LRRIQ3: variants seen among roughly 807,000 people sequenced by gnomAD.
The protein encoded by LRRIQ3 is leucine rich repeats and IQ motif containing 3.
LRRIQ3 carries 75 observed loss-of-function variants against 59.3 expected under a neutral mutation model. The observed-to-expected ratio is 1.26, with a 90% CI of 1.05 to 1.53. The LOEUF is 1.53. LRRIQ3 is among the 40% of genes most tolerant of loss of function. The probability of loss-of-function intolerance (pLI) is 0.00; values close to 1 mark genes in which losing one functional copy is unlikely to be tolerated. For missense variants in LRRIQ3, 831 were observed against 710.0 expected, an observed-to-expected ratio of 1.17 and a Z score of -1.94; for synonymous variants, 250 against 231.3, an observed-to-expected ratio of 1.08 and a Z score of -0.73.
chr1:74,076,242 A>G (rs1026318475), intron 5 of LRRIQ3, among the ~76,000 whole-genome samples: 6 of 152,076 alleles, frequency 3.9e-5, no homozygotes, highest in Non-Finnish European at 8.8e-5. Flanking sequence ...AAGACTCACA[A>G]ATATTTAGTT....
At chr1:74,090,696 T>C (rs915752092) in intron 5 of LRRIQ3, among the ~76,000 whole-genome samples, 3 of 151,994 alleles carry the variant, frequency 2.0e-5, no homozygotes, top group African/African-American at 4.8e-5. Context: ...AAGACCAGCC[T>C]GGGCAACAAC....
At position 74,087,381 on chromosome 1, in the gene LRRIQ3, C is replaced by CTTTTTTTTTTTTT. The variant is rs57068994; in HGVS notation, c.868-12604_868-12592dup. Among the ~76,000 whole-genome samples the CTTTTTTTTTTTTT allele has an allele frequency of 8.5e-4, 50 of 59,006 alleles. 1 individual carries two copies. The highest frequency in any genetic ancestry group is 3.5e-3 in the African/African-American group (48 of 13,858). 38.7% of individuals were successfully genotyped at this position (59,006 alleles called of 152,430 possible). ...TGAATAGTATTATTTAAAATTTTAT[C>CTTTTTTTTTTTTT]TTTTTTTTTTTTTTTTTTTTTTTTT... On this transcript the variant is annotated intron_variant, in intron 5 of 7. Transcript: ENST00000354431.
intron 1 of LRRIQ3, among the ~76,000 whole-genome samples, chr1:74,193,843 A>G (rs1650926961): frequency 6.6e-6 from 1 of 152,138 alleles, no homozygotes; most frequent in South Asian, 2.1e-4. Context: ...TGTTATCTGC[A>G]TATAAAATCA....
At chr1:74,097,774 T>G (rs1437281898) in intron 5 of LRRIQ3, among the ~76,000 whole-genome samples, 3 of 152,166 alleles carry the variant, frequency 2.0e-5, no homozygotes, top group Admixed American at 6.5e-5. Context: ...GAAAAGAATT[T>G]TCAACCCAGA....
At chr1:74,080,702 A>T (rs1295124871) in intron 5 of LRRIQ3, among the ~76,000 whole-genome samples, 1 of 151,748 alleles carries the variant, frequency 6.6e-6, no homozygotes. Flanking sequence ...TAATACTCAA[A>T]GAGATTATAC....
chr1:74,183,771 G>T, intron 1 of LRRIQ3, 87 bp from the exon 2 acceptor site: 2 of 1,175,128 alleles, frequency 1.7e-6, no homozygotes, highest in South Asian at 2.0e-5. Context: ...AAGAGATAGC[G>T]CAAGTAAAAA....
At chr1:74,181,866 A>G (rs1378821361) in intron 3 of LRRIQ3, 1 of 151,702 alleles carries the variant, frequency 6.6e-6, no homozygotes, top group Non-Finnish European at 1.5e-5. Flanking sequence ...CTTCCTCAAA[A>G]TTTCTACACA....
chr1:74,183,374 A>C (rs1650127822), intron 2 of LRRIQ3, 62 bp downstream of exon 2: 1 of 1,401,256 alleles, frequency 7.1e-7, no homozygotes, highest in Non-Finnish European at 9.6e-7. Context: ...AGGTAACATA[A>C]GTACTTATTA....
At chr1:74,085,123 G>A (rs926226434) in intron 5 of LRRIQ3, among the ~76,000 whole-genome samples, 2 of 151,638 alleles carry the variant, frequency 1.3e-5, no homozygotes, top group South Asian at 2.1e-4. Flanking sequence ...GATTCTGTCA[G>A]CTATTATTTT....
chr1:74,122,867 G>T (rs1454044414), intron 4 of LRRIQ3, among the ~76,000 whole-genome samples: 1 of 152,094 alleles, frequency 6.6e-6, no homozygotes, highest in African/African-American at 2.4e-5. Context: ...CACAGCAAAA[G>T]AAACTACCAT....
At chr1:74,119,091 C>T (rs964109439) in intron 4 of LRRIQ3, among the ~76,000 whole-genome samples, 5 of 152,116 alleles carry the variant, frequency 3.3e-5, no homozygotes, top group African/African-American at 4.8e-5. Flanking sequence ...TAAAATTAAA[C>T]ATTACAAATA....
At chr1:74,057,358 T>C (rs1654567372) in intron 6 of LRRIQ3, among the ~76,000 whole-genome samples, 4 of 151,962 alleles carry the variant, frequency 2.6e-5, no homozygotes, top group African/African-American at 9.7e-5. Flanking sequence ...ACTAAAACGG[T>C]ATAGTAACCA....
intron 5 of LRRIQ3, chr1:74,108,971 A>T (rs1194820493): frequency 6.4e-6 from 2 of 310,412 alleles, no homozygotes; most frequent in Non-Finnish European, 1.2e-5. Context: ...TTCAATCAAC[A>T]TAAATAAATT....
chr1:74,117,938 CT>C (rs1278131761), intron 4 of LRRIQ3, among the ~76,000 whole-genome samples: 9 of 151,814 alleles, frequency 5.9e-5, no homozygotes, highest in Middle Eastern at 3.4e-3. Flanking sequence ...TTGTCCCTAT[CT>C]TTTTATAATT....
intron 1 of LRRIQ3, among the ~76,000 whole-genome samples, chr1:74,194,983 T>C (rs1651010024): frequency 6.6e-6 from 1 of 152,078 alleles, no homozygotes; most frequent in Non-Finnish European, 1.5e-5. Flanking sequence ...ATGATTACAC[T>C]ACTGGGGAAC....
intron 4 of LRRIQ3, among the ~76,000 whole-genome samples, chr1:74,136,476 T>C (rs577654799): frequency 1.6e-4 from 25 of 152,060 alleles, no homozygotes; most frequent in Non-Finnish European, 2.7e-4. Flanking sequence ...TCTGGAACCC[T>C]ACTAAGCAGC....
chr1:74,089,301 C>T (rs1646368769), intron 5 of LRRIQ3, among the ~76,000 whole-genome samples: 1 of 152,030 alleles, frequency 6.6e-6, no homozygotes, highest in Non-Finnish European at 1.5e-5. Context: ...AGTAATTTCA[C>T]TTTTAGGTAT....
intron 5 of LRRIQ3, among the ~76,000 whole-genome samples, chr1:74,089,871 G>C (rs975529160): frequency 6.6e-6 from 1 of 151,954 alleles, no homozygotes; most frequent in Non-Finnish European, 1.5e-5. Flanking sequence ...GGTGAAGTTG[G>C]CAATGTAGCT....
In LRRIQ3 at chr1:74,041,387, C is replaced by T. The variant is rs534493116; in HGVS notation, c.1544G>A (p.Arg515His). ...ATTATTTAAGTTTTGAACTAATAAA[C>T]GCTCTGAAGCCTTTTGGGATTTTTC... ...LKEKSQKASE[R>H]LLVQNLNNER... Residue 515 changes from arginine (R) to histidine (H), a missense_variant, in exon 7 of 8, where the codon CGT (arginine) becomes CAT (histidine). By Grantham distance (29) the Arg-to-His change is conservative. Transcript: ENST00000354431. The T allele has an allele frequency of 8.9e-5, 144 of 1,613,780 alleles. No homozygotes were observed. The Admixed American group carries it at 1.6e-3, about 18-fold the overall frequency.
Sources: allele counts gnomAD v4.1 joint callset (sites outside exome capture counted in the v4.1 genomes callset), GRCh38; gene constraint gnomAD v4.1.1; transcripts MANE v1.5; gene names NCBI Gene and HGNC (gene_info 2026-07-23, HGNC 2026-07-21).